Variants in RANGAP1 observed in about 807,000 individuals in gnomAD.
RANGAP1 encodes the protein Ran GTPase activating protein 1, also known as ran GTPase-activating protein 1.
In RANGAP1, 38 loss-of-function variants were observed where a neutral mutation model predicts 63.5. The observed-to-expected ratio is 0.60, with a 90% CI of 0.46 to 0.78. The LOEUF (loss-of-function observed/expected upper bound fraction) is 0.78. Ranked by LOEUF, RANGAP1 falls within the 30% of genes least tolerant of loss-of-function variation. The pLI, the probability that RANGAP1 is intolerant of heterozygous loss-of-function variation, is 0.00. For missense variants in RANGAP1, 630 were observed against 740.3 expected (o/e 0.85, Z 1.73); for synonymous variants, 329 against 310.5 (o/e 1.06, Z -0.63).
intron 1 of RANGAP1, chr22:41,285,432 C>A: frequency 1.1e-6 from 1 of 900,084 alleles, no homozygotes; most frequent in Non-Finnish European, 1.3e-6. Flanking sequence ...GGATCAGCGC[C>A]AGAGCAAAAG....
In RANGAP1 at chr22:41,255,505, G is replaced by A. The variant is rs1480752742; in HGVS notation, c.1073+516C>T. Reference sequence around the variant, plus strand: ...GAGTCAGCGTCTTAAGAACAATCCCGAGTGCAGCCCCTTCTGGCTGCCCCC... The same window carrying A: ...GAGTCAGCGTCTTAAGAACAATCCCAAGTGCAGCCCCTTCTGGCTGCCCCC... On this transcript the variant is annotated intron_variant, in intron 10 of 15. Coordinates refer to ENST00000356244, the MANE Select transcript of RANGAP1 (RefSeq NM_002883.4). Among the ~76,000 whole-genome samples the A allele has an allele frequency of 4.0e-5, 6 of 151,486 alleles. No individual in the cohort carries two copies. In the South Asian group the frequency reaches 1.0e-3, roughly 26 times the overall value.
upstream of RANGAP1, among the ~76,000 whole-genome samples, chr22:41,291,165 G>T (rs1459580904): frequency 6.6e-6 from 1 of 152,248 alleles, no homozygotes; most frequent in Non-Finnish European, 1.5e-5. Context: ...AATAGGCACT[G>T]TTCCAGCTCC....
At chr22:41,291,117 C>A (rs1398630890), upstream of RANGAP1, among the ~76,000 whole-genome samples, 2 of 152,248 alleles carry the variant, frequency 1.3e-5, no homozygotes, top group South Asian at 2.1e-4. Flanking sequence ...TACAATAATT[C>A]ATTTGTTCTA....
At chr22:41,277,503 A>G in intron 2 of RANGAP1, 1 of 1,197,528 alleles carries the variant, frequency 8.4e-7, no homozygotes, top group African/African-American at 1.6e-5. Flanking sequence ...TCTGGCTGGT[A>G]CAGGATGGAG....
chr22:41,257,764 G>C lies in RANGAP1; in HGVS notation c.774+184C>G, dbSNP rs2033928793. 6.6e-6 allele frequency among the ~76,000 whole-genome samples: 1 copy of C among 152,200 alleles called. No homozygotes were observed. The highest frequency in any genetic ancestry group is 1.5e-5 in the Non-Finnish European group (1 of 68,042). ...ATCAGAGCTGCCCGAGGAGGGCGTG[G>C]GTTACCTTGGGACCTGCAACCCTGT... On this transcript the variant is annotated intron_variant, in intron 7 of 15. Transcript: ENST00000356244. This position sits in a 1 kb window ranked among gnomAD's most constrained non-coding sequence, Gnocchi z 4.0.
intron 6 of RANGAP1, among the ~76,000 whole-genome samples, chr22:41,260,575 T>C (rs1351168101): frequency 6.6e-6 from 1 of 152,250 alleles, no homozygotes; most frequent in East Asian, 1.9e-4. Flanking sequence ...GGGCCGGACG[T>C]GGTGGCTCAC....
In RANGAP1 at chr22:41,246,423, AC is replaced by A; in HGVS notation, c.*179del. On this transcript the variant is annotated 3_prime_UTR_variant, in exon 16 of 16. Coordinates refer to ENST00000356244, the MANE Select transcript of RANGAP1 (RefSeq NM_002883.4). Reference sequence around the variant, plus strand: ...ACCCAAATCCCGACAGGAGGCACAGACCTGCACATGCGCCACACCCACACAC... The same window carrying A: ...ACCCAAATCCCGACAGGAGGCACAGACTGCACATGCGCCACACCCACACAC... The A allele has an allele frequency of 1.6e-6, 1 of 627,910 alleles. No homozygotes were observed. Among genetic ancestry groups the A allele is most frequent in the Non-Finnish European group, 2.7e-6 (1 of 363,954 alleles). The allele number at this position is 627,910 out of a possible 1,614,324, so 38.9% of individuals were successfully genotyped here.
chr22:41,247,883 T>A (rs750877659), intron 15 of RANGAP1, among the ~76,000 whole-genome samples: 3 of 152,248 alleles, frequency 2.0e-5, no homozygotes, highest in Non-Finnish European at 4.4e-5. Context: ...ATCAGTCACC[T>A]TGGACAAGAC....
chr22:41,261,559 C>T lies in RANGAP1; in HGVS notation c.502G>A (p.Glu168Lys), dbSNP rs192693062. ...TGGGCACTGGATTTCCGGTGACATT[C>T]GGTCAGAGCTGCAGCCAGGATCTGT... ...GGKILAAALT[E>K]CHRKSSAQGK... Residue 168 changes from glutamate to lysine, a missense_variant, in exon 6 of 16, where the codon GAA becomes AAA. Glu to Lys is a moderately conservative substitution (Grantham distance 56, BLOSUM62 1). This residue lies in a region of RANGAP1 where 137 missense variants were observed against 214.3 expected (regional missense o/e 0.64). Coordinates refer to ENST00000356244, the MANE Select transcript of RANGAP1 (RefSeq NM_002883.4). The T allele has an allele frequency of 5.6e-6, 9 of 1,614,234 alleles. No individual in the cohort carries two copies. The highest frequency in any genetic ancestry group is 1.7e-5 in the Admixed American group (1 of 60,030).
chr22:41,246,679 G>T lies in RANGAP1; in HGVS notation c.1695-7C>A. 6.4e-7 allele frequency: 1 copy of T among 1,558,324 alleles called. No individual in the cohort carries two copies. The highest frequency in any genetic ancestry group is 8.7e-7 in the Non-Finnish European group (1 of 1,148,352). On this transcript the variant is annotated splice_polypyrimidine_tract_variant and splice_region_variant and intron_variant, in intron 15 of 15. Coordinates refer to ENST00000356244, the MANE Select transcript of RANGAP1 (RefSeq NM_002883.4). ...TTCCAGGGCGCTGTTGGGCCTGCGG[G>T]GAAAGAGGGGTCAGCAGGTCGGTGG...
At chr22:41,267,965 G>T in intron 4 of RANGAP1, 132 bp downstream of exon 4, 1 of 937,170 alleles carries the variant, frequency 1.1e-6, no homozygotes, top group Non-Finnish European at 1.6e-6. Flanking sequence ...GACTTGCCGG[G>T]CTTCCATTCC....
At chr22:41,273,236 T>A (rs975951604) in intron 3 of RANGAP1, among the ~76,000 whole-genome samples, 3 of 152,162 alleles carry the variant, frequency 2.0e-5, no homozygotes, top group Non-Finnish European at 4.4e-5. Flanking sequence ...CATGCACATA[T>A]GAAGAGACAA....
intron 3 of RANGAP1, among the ~76,000 whole-genome samples, chr22:41,272,525 T>C (rs1412644247): frequency 6.6e-6 from 1 of 151,392 alleles, no homozygotes; most frequent in Non-Finnish European, 1.5e-5. Context: ...TCTGCTATTT[T>C]TTTTTCTTTT....
intron 1 of RANGAP1, among the ~76,000 whole-genome samples, chr22:41,283,864 C>T (rs1227793169): frequency 1.3e-5 from 2 of 151,388 alleles, no homozygotes; most frequent in African/African-American, 4.8e-5. Flanking sequence ...TGTCATCTGA[C>T]GTACATTTTG....
intron 3 of RANGAP1, 145 bp downstream of exon 3, chr22:41,274,455 T>G (rs868498269): frequency 8.0e-7 from 1 of 1,243,948 alleles, no homozygotes; most frequent in Non-Finnish European, 1.1e-6. Flanking sequence ...CTGTGTGCCC[T>G]GGGGAGGCCA....
At chr22:41,278,515 ACG>A (rs2035291649) in intron 2 of RANGAP1, among the ~76,000 whole-genome samples, 1 of 152,244 alleles carries the variant, frequency 6.6e-6, no homozygotes, top group Admixed American at 6.5e-5. Flanking sequence ...CTTATCTGAC[ACG>A]GTGTTCAATA....
In RANGAP1 at chr22:41,263,358, G is replaced by A. The variant is rs774456860; in HGVS notation, c.480+1306C>T. On this transcript the variant is annotated intron_variant, in intron 5 of 15. Coordinates refer to ENST00000356244, the MANE Select transcript of RANGAP1 (RefSeq NM_002883.4). ...GCCTGCTTTCTGTGCTGACGCAAAC[G>A]TTTTTATATGTTTCTGTTTGTTTGT... 1.3e-4 allele frequency among the ~76,000 whole-genome samples: 20 copies of A among 152,266 alleles called. 1 individual carries two copies. The highest frequency in any genetic ancestry group is 4.1e-4 in the African/African-American group (17 of 41,558).
the RANGAP1 span, among the ~76,000 whole-genome samples, chr22:41,301,990 G>C: frequency 2.0e-5 from 3 of 152,208 alleles, no homozygotes; most frequent in Admixed American, 2.0e-4. Context: ...CTCCTTTTTG[G>C]GGATCCCGGT....
At chr22:41,284,570 A>G (rs1470969556) in intron 1 of RANGAP1, among the ~76,000 whole-genome samples, 1 of 151,938 alleles carries the variant, frequency 6.6e-6, no homozygotes, top group African/African-American at 2.4e-5. Flanking sequence ...TCCGTCTCAA[A>G]AAAAAAAAAA....
Sources: allele counts gnomAD v4.1 joint callset (sites outside exome capture counted in the v4.1 genomes callset), GRCh38; gene constraint gnomAD v4.1.1; regional missense constraint gnomAD v4.1.1; non-coding constraint Gnocchi (gnomAD v3.1); transcripts MANE v1.5; gene names NCBI Gene and HGNC (gene_info 2026-07-23, HGNC 2026-07-21).